HECW1: variants seen among roughly 807,000 people sequenced by gnomAD.
HECW1 encodes the protein HECT, C2 and WW domain containing E3 ubiquitin protein ligase 1, also known as E3 ubiquitin-protein ligase HECW1.
In HECW1, 61 loss-of-function variants were observed where a neutral mutation model predicts 182.3. The observed-to-expected ratio is 0.33, with a 90% CI of 0.27 to 0.41. HECW1 has a LOEUF of 0.41. Among genes scored for constraint, HECW1 ranks in the 10% least tolerant of loss-of-function variants. HECW1 has a pLI of 1.00. For synonymous variants in HECW1, 859 were observed against 832.6 expected (o/e 1.03, Z -0.55); for missense variants, 1,739 against 2,108.9 (o/e 0.82, Z 3.44).
chr7:43,278,799 C>A (rs549216330), intron 3 of HECW1, among the ~76,000 whole-genome samples: 1 of 152,144 alleles, frequency 6.6e-6, no homozygotes, highest in Non-Finnish European at 1.5e-5. Flanking sequence ...TTCCTGACCA[C>A]CGCATTTACA....
At chr7:43,481,677 A>G (rs1190511095) in intron 17 of HECW1, among the ~76,000 whole-genome samples, 1 of 152,162 alleles carries the variant, frequency 6.6e-6, no homozygotes, top group African/African-American at 2.4e-5. Context: ...GCAAAGTGCC[A>G]TCTGTATCAG....
At chr7:43,244,026 T>C (rs1799130640) in intron 3 of HECW1, 94 bp downstream of exon 3, 2 of 1,019,828 alleles carry the variant, frequency 2.0e-6, no homozygotes, top group Non-Finnish European at 3.1e-6. Context: ...CCTAGGGCCA[T>C]TGCGGTTGCC....
intron 2 of HECW1, among the ~76,000 whole-genome samples, chr7:43,237,843 GCCC>G (rs571894938): frequency 0.022 from 3,181 of 144,244 alleles, 47 homozygotes; most frequent in South Asian, 0.072. Flanking sequence ...CCCCCCCGCC[GCCC>G]CCACTTGGAG....
chr7:43,152,803 C>G (rs7807665), intron 2 of HECW1, among the ~76,000 whole-genome samples: 1 of 151,908 alleles, frequency 6.6e-6, no homozygotes, highest in Non-Finnish European at 1.5e-5. Context: ...GTAGGCGTTT[C>G]CCCCTGAGCT....
At chr7:43,391,388 C>T (rs1227412216) in intron 6 of HECW1, among the ~76,000 whole-genome samples, 1 of 152,168 alleles carries the variant, frequency 6.6e-6, no homozygotes, top group Admixed American at 6.5e-5. Context: ...CAGCCTGACC[C>T]TCAGTTTGGT....
intron 3 of HECW1, among the ~76,000 whole-genome samples, chr7:43,268,292 G>A (rs1802009380): frequency 6.6e-6 from 1 of 152,202 alleles, no homozygotes; most frequent in African/African-American, 2.4e-5. Context: ...CTGTAACAGT[G>A]TGTGGCAGGG....
intron 2 of HECW1, among the ~76,000 whole-genome samples, chr7:43,151,170 T>C (rs1290929697): frequency 6.6e-6 from 1 of 152,156 alleles, no homozygotes; most frequent in Non-Finnish European, 1.5e-5. Context: ...GGCAGAAAGA[T>C]CTCAGTAATT....
At chr7:43,194,850 C>T (rs1416891699) in intron 2 of HECW1, among the ~76,000 whole-genome samples, 5 of 152,112 alleles carry the variant, frequency 3.3e-5, no homozygotes, top group Non-Finnish European at 7.3e-5. Flanking sequence ...CCTGCCCCCA[C>T]ACCTGGCTAC....
Position 43,446,854 on chromosome 7 carries a change from G to T in HECW1, c.2398+1284G>T, listed in dbSNP as rs78830237. 6.7e-3 allele frequency among the ~76,000 whole-genome samples: 1,024 copies of T among 152,298 alleles called. 5 individuals are homozygous for T. The highest frequency in any genetic ancestry group is 0.022 in the African/African-American group (924 of 41,556). On this transcript the variant is annotated intron_variant, in intron 11 of 29. Coordinates refer to ENST00000395891, the MANE Select transcript of HECW1 (RefSeq NM_015052.5). Reference sequence around the variant, plus strand: ...GAAAATCCCTCCTGTGAGTAGAAGGGAATGGGAAATGCCTTTCTTTCACAA... The same window carrying T: ...GAAAATCCCTCCTGTGAGTAGAAGGTAATGGGAAATGCCTTTCTTTCACAA...
chr7:43,124,938 A>C (rs370603869), intron 2 of HECW1, among the ~76,000 whole-genome samples: 4 of 152,212 alleles, frequency 2.6e-5, no homozygotes, highest in African/African-American at 9.6e-5. Flanking sequence ...TGTGTTTTCA[A>C]GATGCCTTAG....
At chr7:43,465,745 G>A (rs771999508) in intron 14 of HECW1, among the ~76,000 whole-genome samples, 10 of 152,010 alleles carry the variant, frequency 6.6e-5, no homozygotes, top group Non-Finnish European at 7.4e-5. Context: ...GAAAAAAATA[G>A]CCAGGCATGG....
In HECW1 at chr7:43,565,001, TCAGGGGAC is replaced by T. The variant is rs2082296639; in HGVS notation, c.*3076_*3083del. On this transcript the variant is annotated 3_prime_UTR_variant, in exon 30 of 30. Transcript: ENST00000395891. The stretch of plus-strand genomic sequence containing the variant: ...TTTAGTAAGAGTGTAACGCCTTTAA[TCAGGGGAC>T]AAACAAGAACAATAAATAAGAGAAG... 1 of 187,136 alleles carries T rather than the reference TCAGGGGAC, an allele frequency of 5.3e-6. No individual in the cohort carries two copies. The highest frequency in any genetic ancestry group is 2.3e-5 in the African/African-American group (1 of 42,748). 11.6% of individuals were successfully genotyped at this position (187,136 alleles called of 1,614,324 possible).
intron 2 of HECW1, among the ~76,000 whole-genome samples, chr7:43,146,388 G>C (rs1251999136): frequency 6.6e-6 from 1 of 152,110 alleles, no homozygotes; most frequent in African/African-American, 2.4e-5. Context: ...GTCCCATGGG[G>C]AGCAAAATTG....
chr7:43,508,103 C>T lies in HECW1; in HGVS notation c.3838C>T (p.Leu1280Phe), dbSNP rs764559673. 6.2e-7 allele frequency: 1 copy of T among 1,613,734 alleles called. No individual in the cohort carries two copies. The change falls in exon 23 of 30, where the codon CTC becomes TTC. Residue 1280 changes from leucine (L) to phenylalanine (F), a missense_variant. This residue lies in a region of HECW1 where 420 missense variants were observed against 595.7 expected (regional missense o/e 0.71). Coordinates refer to ENST00000395891, the MANE Select transcript of HECW1 (RefSeq NM_015052.5). The part of the protein sequence containing the change: ...YSRKELQRNK[L>F]YVTFVGEEGL... The stretch of plus-strand genomic sequence containing the variant: ...GCGGAAAGAGCTCCAGCGAAACAAG[C>T]TCTACGTCACCTTTGTTGGAGAGGA...
chr7:43,305,765 A>T (rs1222704005), intron 3 of HECW1, among the ~76,000 whole-genome samples: 1 of 144,204 alleles, frequency 6.9e-6, no homozygotes, highest in Non-Finnish European at 1.5e-5. Flanking sequence ...CGCCCAGCTA[A>T]TTTTTTTTTT....
chr7:43,305,284 G>A lies in HECW1; in HGVS notation c.28-6479G>A, dbSNP rs543716789. ...CAGAAAGTCTAAGATGAAACATTTC[G>A]TTAAGAACTTGGAGGAAGAAAAAAG... On this transcript the variant is annotated intron_variant, in intron 3 of 29. Transcript: ENST00000395891. 4.8e-4 allele frequency among the ~76,000 whole-genome samples: 73 copies of A among 152,200 alleles called. 3 individuals carry two copies. The South Asian group carries it at 0.015, about 32-fold the overall frequency.
intron 19 of HECW1, among the ~76,000 whole-genome samples, chr7:43,497,841 G>C (rs1342407747): frequency 2.0e-5 from 3 of 152,154 alleles, no homozygotes; most frequent in Non-Finnish European, 4.4e-5. Flanking sequence ...ATGGGAAAGA[G>C]TGGAGGAGGA....
intron 2 of HECW1, among the ~76,000 whole-genome samples, chr7:43,197,478 C>T (rs1022779875): frequency 6.6e-6 from 1 of 152,204 alleles, no homozygotes; most frequent in African/African-American, 2.4e-5. Context: ...TGCCCAGGAG[C>T]GTGCACAGTG....
chr7:43,347,975 GT>G (rs1378727010), intron 5 of HECW1, among the ~76,000 whole-genome samples: 1 of 152,098 alleles, frequency 6.6e-6, no homozygotes, highest in Non-Finnish European at 1.5e-5. Context: ...TCGGTATGTA[GT>G]TTTCTTTTTT....
Sources: gnomAD v4.1 joint callset for allele counts (sites outside exome capture counted in the v4.1 genomes callset) on GRCh38, gnomAD v4.1.1 for gene constraint, gnomAD v4.1.1 regional missense constraint, MANE v1.5 for transcripts, NCBI Gene and HGNC (gene_info 2026-07-23, HGNC 2026-07-21) for gene names.